The following PDE9A variants were observed in gnomAD, a reference collection of about 807,000 sequenced individuals.
PDE9A encodes the protein high affinity cGMP-specific 3',5'-cyclic phosphodiesterase 9A.
Under a neutral mutation model 87.4 loss-of-function variants are expected in PDE9A, and 60 were observed. The observed-to-expected ratio is 0.69, with a 90% CI of 0.56 to 0.85. The LOEUF is 0.85. Among genes scored for constraint, PDE9A ranks in the 40% least tolerant of loss-of-function variants. PDE9A has a pLI of 0.00. For missense variants in PDE9A, 665 were observed against 779.0 expected (o/e 0.85, Z 1.74); for synonymous variants, 272 against 279.4 (o/e 0.97, Z 0.27).
In PDE9A at chr21:42,720,213, G is replaced by A. The variant is rs58608132; in HGVS notation, c.263-11557G>A. ...CCCTCCCTTAGAAGTTTACCCCTCC[G>A]CCAGGCGCAGTGACTCACGCCTGTA... On this transcript the variant is annotated intron_variant, in intron 4 of 19. Coordinates refer to ENST00000291539, the MANE Select transcript of PDE9A (RefSeq NM_002606.3). Among the ~76,000 whole-genome samples the A allele has an allele frequency of 3.9e-3, 596 of 152,280 alleles. 3 individuals are homozygous for A. Among genetic ancestry groups the A allele is most frequent in the African/African-American group, 0.013 (554 of 41,546 alleles).
At chr21:42,753,899 G>T (rs1326911543) in intron 9 of PDE9A, 91 bp from the exon 10 acceptor site, 3 of 630,532 alleles carry the variant, frequency 4.8e-6, no homozygotes, top group African/African-American at 1.9e-5. Context: ...AAAAGAAAGA[G>T]AACGGGAGAA....
chr21:42,703,521 C>T (rs187243053), intron 4 of PDE9A, among the ~76,000 whole-genome samples: 3 of 152,178 alleles, frequency 2.0e-5, no homozygotes, highest in East Asian at 3.9e-4. Flanking sequence ...CGAAGACAGG[C>T]GAGATGGCTG....
chr21:42,773,125 T>G (rs1343068649), intron 19 of PDE9A, among the ~76,000 whole-genome samples: 18 of 150,716 alleles, frequency 1.2e-4, no homozygotes, highest in Non-Finnish European at 2.2e-4. Context: ...AGCCAGGTGT[T>G]GTGGCGTGCA....
intron 17 of PDE9A, among the ~76,000 whole-genome samples, chr21:42,770,328 C>T (rs1163224176): frequency 1.3e-5 from 2 of 152,206 alleles, no homozygotes; most frequent in African/African-American, 4.8e-5. Context: ...CGCTGCGCAT[C>T]CTTCTGCTCT....
intron 4 of PDE9A, among the ~76,000 whole-genome samples, chr21:42,729,366 C>T (rs890080208): frequency 2.6e-5 from 4 of 152,162 alleles, no homozygotes; most frequent in African/African-American, 9.7e-5. Context: ...TATTGACAGT[C>T]TGTGTCTTCC....
intron 1 of PDE9A, among the ~76,000 whole-genome samples, chr21:42,655,874 G>C (rs1049688513): frequency 7.2e-5 from 10 of 138,060 alleles, no homozygotes; most frequent in Non-Finnish European, 1.4e-4. Flanking sequence ...CCCGCCCTCT[G>C]CCCCTTGCTG....
intron 4 of PDE9A, among the ~76,000 whole-genome samples, chr21:42,716,983 C>T (rs996148718): frequency 6.6e-6 from 1 of 151,086 alleles, no homozygotes; most frequent in Non-Finnish European, 1.5e-5. Context: ...AACTCCTGAC[C>T]TCAAGTGATC....
At chr21:42,740,184 G>A (rs1391289724) in intron 7 of PDE9A, among the ~76,000 whole-genome samples, 1 of 152,092 alleles carries the variant, frequency 6.6e-6, no homozygotes, top group African/African-American at 2.4e-5. Context: ...CATGCCTAAA[G>A]TGGTTCCCCA....
At chr21:42,764,418 C>G (rs1391771050) in intron 14 of PDE9A, among the ~76,000 whole-genome samples, 1 of 152,186 alleles carries the variant, frequency 6.6e-6, no homozygotes, top group South Asian at 2.1e-4. Context: ...AAGGAGCAAC[C>G]GTGAAGAGAG....
At chr21:42,669,504 G>A (rs940766800) in intron 1 of PDE9A, among the ~76,000 whole-genome samples, 2 of 152,180 alleles carry the variant, frequency 1.3e-5, no homozygotes, top group South Asian at 2.1e-4. Context: ...TCCTGTGTGC[G>A]GGGCCCAAGA....
intron 4 of PDE9A, among the ~76,000 whole-genome samples, chr21:42,709,421 C>G (rs903943609): frequency 1.3e-5 from 2 of 152,108 alleles, no homozygotes; most frequent in African/African-American, 4.8e-5. Context: ...TGTGTAACAT[C>G]CCTGCATGTC....
intron 1 of PDE9A, among the ~76,000 whole-genome samples, chr21:42,662,102 A>G (rs1458434605): frequency 6.6e-6 from 1 of 152,182 alleles, no homozygotes; most frequent in Non-Finnish European, 1.5e-5. Context: ...GTCAAATGCT[A>G]GAACACACTG....
chr21:42,699,683 G>T (rs2048232714), intron 4 of PDE9A, among the ~76,000 whole-genome samples: 1 of 152,112 alleles, frequency 6.6e-6, no homozygotes, highest in South Asian at 2.1e-4. Context: ...ACCCTCCCAG[G>T]TAGCTGGGAT....
intron 13 of PDE9A, among the ~76,000 whole-genome samples, chr21:42,761,521 G>A (rs1263435768): frequency 3.3e-5 from 5 of 152,240 alleles, no homozygotes; most frequent in South Asian, 2.1e-4. Flanking sequence ...CCTCAGTGGC[G>A]CAGCAGCTCT....
At chr21:42,681,834 T>G (rs993796010) in intron 1 of PDE9A, among the ~76,000 whole-genome samples, 8 of 152,256 alleles carry the variant, frequency 5.3e-5, no homozygotes, top group African/African-American at 1.9e-4. Flanking sequence ...AAATTTCATT[T>G]TATCAACTTT....
Position 42,675,738 on chromosome 21 carries a change from T to C in PDE9A, c.70-10454T>C, listed in dbSNP as rs2058813137. ...TGTGTACCCTCCACCCAGTCTCCCC[T>C]ACTGGGACTGTCGTGCAAAATTATG... On this transcript the variant is annotated intron_variant, in intron 1 of 19. Transcript: ENST00000291539. The surrounding 1 kb of genome is among the most constrained non-coding windows in gnomAD (Gnocchi z 4.3). Among the ~76,000 whole-genome samples, 1 of 152,232 alleles carries C rather than the reference T, an allele frequency of 6.6e-6. No individual in the cohort carries two copies. Among genetic ancestry groups the C allele is most frequent in the Admixed American group, 6.5e-5 (1 of 15,292 alleles).
intron 4 of PDE9A, among the ~76,000 whole-genome samples, chr21:42,699,297 C>T (rs1017459895): frequency 6.6e-6 from 1 of 152,190 alleles, no homozygotes; most frequent in Non-Finnish European, 1.5e-5. Context: ...TGGATTTTTT[C>T]TTACTCCTTT....
intron 4 of PDE9A, among the ~76,000 whole-genome samples, chr21:42,725,876 G>T (rs2050979594): frequency 6.6e-6 from 1 of 152,154 alleles, no homozygotes. Context: ...TGCATCTTTA[G>T]TTGGTTTTTT....
intron 4 of PDE9A, among the ~76,000 whole-genome samples, chr21:42,718,659 T>C (rs889122238): frequency 6.6e-6 from 1 of 151,676 alleles, no homozygotes; most frequent in African/African-American, 2.4e-5. Context: ...GACTCCCCTC[T>C]GTTTACGATT....
Sources: allele counts gnomAD v4.1 joint callset (sites outside exome capture counted in the v4.1 genomes callset), GRCh38; gene constraint gnomAD v4.1.1; non-coding constraint Gnocchi (gnomAD v3.1); transcripts MANE v1.5; gene names NCBI Gene and HGNC (gene_info 2026-07-23, HGNC 2026-07-21).